DLG2: variants seen among roughly 807,000 people sequenced by gnomAD.
DLG2 encodes the protein disks large homolog 2.
Under a neutral mutation model 132.5 loss-of-function variants are expected in DLG2, and 45 were observed. The ratio of observed to expected loss-of-function variants is 0.34; its 90% CI spans 0.27 to 0.44. The LOEUF is 0.44. DLG2 is among the 20% of genes least tolerant of loss of function. The pLI, the probability that DLG2 is intolerant of heterozygous loss-of-function variation, is 1.00. For synonymous variants in DLG2, 424 were observed against 419.6 expected (o/e 1.01, Z -0.13); for missense variants, 1,045 against 1,196.9 (o/e 0.87, Z 1.87).
At chr11:85,017,998 A>G (rs1185034086) in intron 6 of DLG2, among the ~76,000 whole-genome samples, 2 of 152,184 alleles carry the variant, frequency 1.3e-5, no homozygotes, top group Non-Finnish European at 1.5e-5. Context: ...GACTAATGAT[A>G]TAAGTGTGTC....
chr11:83,552,865 T>G (rs533208345), intron 19 of DLG2, among the ~76,000 whole-genome samples: 1 of 152,362 alleles, frequency 6.6e-6, no homozygotes, highest in African/African-American at 2.4e-5. Context: ...GCAACTTTCA[T>G]TTTTTGAAAA....
chr11:85,594,077 AAG>A (rs1198354217), intron 3 of DLG2, among the ~76,000 whole-genome samples: 1 of 152,218 alleles, frequency 6.6e-6, no homozygotes, highest in African/African-American at 2.4e-5. Context: ...GGGATATAAA[AAG>A]GGGCAGAAGT....
chr11:85,107,804 A>T (rs1038273344), intron 6 of DLG2, among the ~76,000 whole-genome samples: 1 of 151,944 alleles, frequency 6.6e-6, no homozygotes, highest in Non-Finnish European at 1.5e-5. Flanking sequence ...ACTAGGGAAG[A>T]TATTTCATGT....
intron 7 of DLG2, among the ~76,000 whole-genome samples, chr11:84,402,888 A>C (rs1201802215): frequency 6.6e-6 from 1 of 150,484 alleles, no homozygotes; most frequent in Admixed American, 6.6e-5. Flanking sequence ...TCTCAAAAAA[A>C]AAAAAAAAAA....
At chr11:85,493,231 C>T (rs1160540563) in intron 3 of DLG2, among the ~76,000 whole-genome samples, 3 of 152,106 alleles carry the variant, frequency 2.0e-5, no homozygotes, top group South Asian at 2.1e-4. Flanking sequence ...ATTTTAAATG[C>T]TTTTGAAAGC....
rs1169440235 is a variant in DLG2 at position 83,624,653 on chromosome 11, G to A, written c.1940+8558C>T. Among the ~76,000 whole-genome samples, 3 of 152,152 alleles carry A rather than the reference G, an allele frequency of 2.0e-5. No individual in the cohort carries two copies. In the East Asian group the frequency reaches 5.8e-4, roughly 29 times the overall value. On this transcript the variant is annotated intron_variant, in intron 19 of 27. Transcript: ENST00000376104. ...TATAGCAGCCTCCTTCATACATTCAGTTTAACGTCATCCTAACAACAAGCC... is the reference window on the plus strand; with the variant it reads ...TATAGCAGCCTCCTTCATACATTCAATTTAACGTCATCCTAACAACAAGCC...
In DLG2 at chr11:84,025,519, T is replaced by G. The variant is rs912793843; in HGVS notation, c.919+33796A>C. On this transcript the variant is annotated intron_variant, in intron 11 of 27. Coordinates refer to ENST00000376104, the MANE Select transcript of DLG2 (RefSeq NM_001142699.3). ...TTAAGAATACTTGAATATGGTTCTT[T>G]GAATATATAGAAATACTCACTAATA... is the stretch of plus-strand genomic sequence containing the variant. Among the ~76,000 whole-genome samples, 5 of 152,286 alleles carry G rather than the reference T, an allele frequency of 3.3e-5. 1 individual carries two copies. The South Asian group carries it at 1.0e-3, about 32-fold the overall frequency.
intron 4 of DLG2, among the ~76,000 whole-genome samples, chr11:85,161,926 G>C (rs762281384): frequency 5.9e-5 from 9 of 152,146 alleles, no homozygotes; most frequent in Non-Finnish European, 1.2e-4. Context: ...GGTGGAAGTG[G>C]AAGTGGCACC....
At chr11:85,054,780 C>A (rs569860865) in intron 6 of DLG2, among the ~76,000 whole-genome samples, 47 of 152,282 alleles carry the variant, frequency 3.1e-4, no homozygotes, top group African/African-American at 1.1e-3. Context: ...ACAAATACTG[C>A]ATATTCTCAT....
chr11:84,091,164 A>T (rs2097086603), intron 10 of DLG2, among the ~76,000 whole-genome samples: 1 of 152,244 alleles, frequency 6.6e-6, no homozygotes, highest in Non-Finnish European at 1.5e-5. Context: ...TATCACGGCC[A>T]TAAACACACA....
chr11:84,955,597 A>G (rs1407236604), intron 6 of DLG2: 2 of 152,210 alleles, frequency 1.3e-5, no homozygotes, highest in Non-Finnish European at 2.9e-5. Context: ...AATTTCATCA[A>G]CCAGATTCAG....
intron 9 of DLG2, among the ~76,000 whole-genome samples, chr11:84,119,179 G>A (rs963327484): frequency 5.3e-5 from 8 of 151,656 alleles, no homozygotes; most frequent in East Asian, 3.9e-4. Flanking sequence ...AGTTGAAAAC[G>A]ACAGCTTCTT....
intron 9 of DLG2, among the ~76,000 whole-genome samples, chr11:84,123,796 C>T (rs2094034039): frequency 6.6e-6 from 1 of 152,160 alleles, no homozygotes; most frequent in South Asian, 2.1e-4. Flanking sequence ...TCCTGGCAAC[C>T]ACTGTAAATG....
intron 6 of DLG2, among the ~76,000 whole-genome samples, chr11:84,629,258 C>T (rs762516871): frequency 2.0e-5 from 3 of 152,140 alleles, no homozygotes; most frequent in Non-Finnish European, 4.4e-5. Context: ...AAACAAGAAA[C>T]GTCTGTTCAG....
chr11:84,382,225 T>G (rs1178045515), intron 7 of DLG2, among the ~76,000 whole-genome samples: 3 of 152,080 alleles, frequency 2.0e-5, no homozygotes. Context: ...TGCCAGTTCT[T>G]TCTCCTCAAA....
chr11:84,286,474 T>C (rs900971399), intron 7 of DLG2, among the ~76,000 whole-genome samples: 9 of 152,174 alleles, frequency 5.9e-5, no homozygotes, highest in African/African-American at 2.2e-4. Flanking sequence ...CATTGCAATA[T>C]TGTTAACTAG....
intron 6 of DLG2, among the ~76,000 whole-genome samples, chr11:84,830,787 A>G (rs1482305780): frequency 6.6e-6 from 1 of 151,592 alleles, no homozygotes; most frequent in East Asian, 2.0e-4. Flanking sequence ...TAATCTTAGA[A>G]TATCTTTACT....
At chr11:84,019,821 TTC>T (rs2095337733) in intron 11 of DLG2, among the ~76,000 whole-genome samples, 1 of 152,134 alleles carries the variant, frequency 6.6e-6, no homozygotes, top group Admixed American at 6.6e-5. Context: ...ATGGAACAGA[TTC>T]TCTCTCACAG....
At position 83,762,569 on chromosome 11, in the gene DLG2, A is replaced by C. The variant is rs145896470; in HGVS notation, c.1825+24121T>G. Among the ~76,000 whole-genome samples, 628 of 151,830 alleles carry C rather than the reference A, an allele frequency of 4.1e-3. 4 individuals are homozygous for C. Among genetic ancestry groups the C allele is most frequent in the African/African-American group, 0.013 (516 of 41,270 alleles). ...AGGACAATGGCAAACCTAAGTGTTG[A>C]GATTAAGTATTAATTTTTTTTTTTT... On this transcript the variant is annotated intron_variant, in intron 18 of 27. Transcript: ENST00000376104.
Sources: allele counts gnomAD v4.1 joint callset (sites outside exome capture counted in the v4.1 genomes callset), GRCh38; gene constraint gnomAD v4.1.1; transcripts MANE v1.5; gene names NCBI Gene and HGNC (gene_info 2026-07-23, HGNC 2026-07-21).